The following IPP variants were observed in gnomAD, a reference collection of about 807,000 sequenced individuals.
IPP encodes the protein actin-binding protein IPP.
IPP carries 41 observed loss-of-function variants against 64.1 expected under a neutral mutation model. The observed-to-expected ratio is 0.64, with a 90% CI of 0.50 to 0.83. IPP has a LOEUF of 0.83. Ranked by LOEUF, IPP falls within the 40% of genes least tolerant of loss-of-function variation. The probability of loss-of-function intolerance (pLI) is 0.00; values close to 1 mark genes in which losing one functional copy is unlikely to be tolerated. For synonymous variants in IPP, 214 were observed against 235.2 expected, an observed-to-expected ratio of 0.91 and a Z score of 0.83; for missense variants, 649 against 703.0, an observed-to-expected ratio of 0.92 and a Z score of 0.87.
At chr1:45,718,176 T>C (rs530490110) in intron 6 of IPP, among the ~76,000 whole-genome samples, 1 of 152,340 alleles carries the variant, frequency 6.6e-6, no homozygotes, top group South Asian at 2.1e-4. Flanking sequence ...TTTAATTTTT[T>C]GGTATGTGCT....
At chr1:45,722,025 C>T (rs544091572) in intron 5 of IPP, among the ~76,000 whole-genome samples, 2 of 149,674 alleles carry the variant, frequency 1.3e-5, no homozygotes, top group East Asian at 2.0e-4. Flanking sequence ...GCCGAGATCA[C>T]GCCACTGCAC....
At chr1:45,717,728 TG>T (rs1238228867) in intron 6 of IPP, among the ~76,000 whole-genome samples, 2 of 152,128 alleles carry the variant, frequency 1.3e-5, no homozygotes, top group African/African-American at 4.8e-5. Context: ...TTAGCCAAGT[TG>T]GTCTCGATCT....
At chr1:45,695,466 G>T (rs1004018016), downstream of IPP, among the ~76,000 whole-genome samples, 2 of 152,128 alleles carry the variant, frequency 1.3e-5, 1 homozygote, top group African/African-American at 4.8e-5. Context: ...CAGTGCAGAA[G>T]CTTTCTTAAA....
rs1569937872 is a variant in IPP at position 45,699,889 on chromosome 1, C to T, written c.*77G>A. 1.9e-6 allele frequency: 3 copies of T among 1,563,220 alleles called. No homozygotes were observed. Among genetic ancestry groups the T allele is most frequent in the South Asian group, 2.4e-5 (2 of 82,670 alleles). ...TCACAGAATCAGAGGGTCTTATCAC[C>T]AAATCTATGTTTGCTTTGCAAAAGG... is the stretch of plus-strand genomic sequence containing the variant. On this transcript the variant is annotated 3_prime_UTR_variant, in exon 9 of 9. Transcript: ENST00000396478.
At position 45,699,813 on chromosome 1, in the gene IPP, G is replaced by A; in HGVS notation, c.*153C>T. The A allele has an allele frequency of 6.9e-7, 1 of 1,440,822 alleles. No individual in the cohort carries two copies. The allele number at this position is 1,440,822 out of a possible 1,614,324, so 89.3% of individuals were successfully genotyped here. A position where few individuals can be genotyped will look rare whatever the true frequency, so the allele number is the denominator to read the frequency against. On this transcript the variant is annotated 3_prime_UTR_variant, in exon 9 of 9. Coordinates refer to ENST00000396478, the MANE Select transcript of IPP (RefSeq NM_005897.3). Reference sequence around the variant, plus strand: ...AAAGTGCTGGGATTATAGGCATGAGGCCACTGCGCCCAGCCTCGTTAGTCA... The same window carrying A: ...AAAGTGCTGGGATTATAGGCATGAGACCACTGCGCCCAGCCTCGTTAGTCA...
intron 8 of IPP, among the ~76,000 whole-genome samples, chr1:45,704,562 A>C (rs1557737809): frequency 6.6e-6 from 1 of 152,146 alleles, no homozygotes; most frequent in South Asian, 2.1e-4. Context: ...CTGACAGAAA[A>C]GGTATTTACA....
rs1343142516 is a variant in IPP, at chr1:45,729,759, A to T, written c.735T>A (p.Asp245Glu). Residue 245 changes from aspartate to glutamate, a missense_variant, in exon 4 of 9, where the codon GAT (aspartate) becomes GAA (glutamate). Transcript: ENST00000396478. Reference sequence around the variant, plus strand: ...TTTGCAATGCAACACGAAGATTAAAATCGGATACTCCTAAAACAATATTTA... The same window carrying T: ...TTTGCAATGCAACACGAAGATTAAATTCGGATACTCCTAAAACAATATTTA... ...RLLKYIEGVS[D>E]FNLRVALQTL... The T allele has an allele frequency of 1.3e-6, 2 of 1,573,824 alleles. No homozygotes were observed. Among genetic ancestry groups the T allele is most frequent in the Non-Finnish European group, 1.7e-6 (2 of 1,155,582 alleles).
In IPP at chr1:45,699,832, T is replaced by A; in HGVS notation, c.*134A>T. Reference sequence around the variant, plus strand: ...CATGAGGCCACTGCGCCCAGCCTCGTTAGTCATTTATCTACCAAATACATG... The same window carrying A: ...CATGAGGCCACTGCGCCCAGCCTCGATAGTCATTTATCTACCAAATACATG... On this transcript the variant is annotated 3_prime_UTR_variant, in exon 9 of 9. Coordinates refer to ENST00000396478, the MANE Select transcript of IPP (RefSeq NM_005897.3). The A allele has an allele frequency of 4.1e-6, 6 of 1,466,126 alleles. No individual in the cohort carries two copies. Among genetic ancestry groups the A allele is most frequent in the Non-Finnish European group, 4.5e-6 (5 of 1,113,086 alleles). 90.8% of individuals were successfully genotyped at this position (1,466,126 alleles called of 1,614,324 possible).
intron 7 of IPP, among the ~76,000 whole-genome samples, chr1:45,715,207 A>C (rs1022742368): frequency 1.5e-4 from 23 of 151,678 alleles, no homozygotes; most frequent in Non-Finnish European, 3.2e-4. Flanking sequence ...AAAAAAAAAA[A>C]AAAAAAAATT....
Position 45,698,723 on chromosome 1 carries a change from T to TTC in IPP, c.*1242_*1243insGA, listed in dbSNP as rs1645410649. The TTC allele has an allele frequency of 1.7e-4, 69 of 413,376 alleles. No individual in the cohort carries two copies. In the East Asian group the frequency reaches 2.0e-3, roughly 12 times the overall value. The allele number at this position is 413,376 out of a possible 1,614,324, so 25.6% of individuals were successfully genotyped here. Reference sequence around the variant, plus strand: ...AAAGGAAGAATTTTTTTTTCTTTTTTTTTTTTTTTTTTTGAGACAGGTTCT... The same window carrying TTC: ...AAAGGAAGAATTTTTTTTTCTTTTTTTCTTTTTTTTTTTTTGAGACAGGTTCT... On this transcript the variant is annotated 3_prime_UTR_variant, in exon 9 of 9. Transcript: ENST00000396478.
intron 2 of IPP, 146 bp downstream of exon 2, chr1:45,745,974 C>T (rs527544958): frequency 1.6e-6 from 1 of 617,242 alleles, no homozygotes; most frequent in East Asian, 2.9e-5. Context: ...AAAAGGAGCA[C>T]CGGGTCATAA....
intron 8 of IPP, 38 bp downstream of exon 8, chr1:45,714,208 A>T (rs763456235): frequency 1.5e-6 from 2 of 1,369,546 alleles, no homozygotes; most frequent in South Asian, 1.2e-5. Context: ...CATTAAAAGA[A>T]TATCAGGATA....
intron 1 of IPP, among the ~76,000 whole-genome samples, chr1:45,748,845 G>A (rs545139452): frequency 4.0e-5 from 6 of 151,800 alleles, no homozygotes; most frequent in South Asian, 4.1e-4. Context: ...GGTGGTGGGC[G>A]CCTGTAATCC....
chr1:45,733,574 C>T (rs1645938619), intron 3 of IPP, among the ~76,000 whole-genome samples: 1 of 151,104 alleles, frequency 6.6e-6, no homozygotes, highest in Admixed American at 6.6e-5. Context: ...CATGGTGGCT[C>T]ACGCCTGAGC....
intron 8 of IPP, among the ~76,000 whole-genome samples, chr1:45,701,078 GAACA>G (rs1418663581): frequency 6.6e-6 from 1 of 152,114 alleles, no homozygotes. Context: ...TATAGCCTGA[GAACA>G]AACAATGATT....
At chr1:45,695,860 G>T (rs565347348), downstream of IPP, among the ~76,000 whole-genome samples, 10 of 152,224 alleles carry the variant, frequency 6.6e-5, no homozygotes, top group Non-Finnish European at 1.0e-4. Context: ...GTAGAGACAG[G>T]GTTTCTCCAT....
intron 3 of IPP, among the ~76,000 whole-genome samples, chr1:45,733,956 A>G (rs1203403661): frequency 6.6e-6 from 1 of 152,204 alleles, no homozygotes; most frequent in African/African-American, 2.4e-5. Flanking sequence ...TTAAAAAAGC[A>G]CTTGATGATG....
At chr1:45,708,995 C>T (rs1645552926) in intron 8 of IPP, among the ~76,000 whole-genome samples, 1 of 129,098 alleles carries the variant, frequency 7.7e-6, no homozygotes, top group South Asian at 2.4e-4. Context: ...GCTCGTGCCG[C>T]TGCACTCCAG....
Position 45,727,923 on chromosome 1 carries a change from A to G in IPP, c.881-125T>C, listed in dbSNP as rs1645853353. On this transcript the variant is annotated intron_variant, in intron 4 of 8. Coordinates refer to ENST00000396478, the MANE Select transcript of IPP (RefSeq NM_005897.3). ...ACTTTCTCTATATACATATAATGTA[A>G]TATTCTTAAATTTGCCAATTCCTGA... is the stretch of plus-strand genomic sequence containing the variant. The G allele has an allele frequency of 1.2e-5, 8 of 652,558 alleles. No individual in the cohort carries two copies. The East Asian group carries it at 2.3e-4, about 19-fold the overall frequency. The allele number at this position is 652,558 out of a possible 1,614,324, so 40.4% of individuals were successfully genotyped here.
Sources: allele counts gnomAD v4.1 joint callset (sites outside exome capture counted in the v4.1 genomes callset), GRCh38; gene constraint gnomAD v4.1.1; transcripts MANE v1.5; gene names NCBI Gene and HGNC (gene_info 2026-07-23, HGNC 2026-07-21).